Variants in GET1 observed in about 807,000 individuals in gnomAD.
GET1 encodes guided entry of tail-anchored proteins factor 1.
GET1 carries 20 observed loss-of-function variants against 22.6 expected under a neutral mutation model. The observed-to-expected ratio is 0.89, with a 90% CI of 0.62 to 1.29. GET1 has a LOEUF of 1.29. GET1 is among the 50% of genes most tolerant of loss of function. The pLI is 0.00. For missense variants in GET1, 209 were observed against 219.9 expected (o/e 0.95, Z 0.31); for synonymous variants, 92 against 83.8 (o/e 1.10, Z -0.53).
Position 39,380,454 on chromosome 21 carries a change from C to A in GET1, c.70C>A (p.Leu24Ile). The A allele has an allele frequency of 3.1e-6, 5 of 1,613,328 alleles. No homozygotes were observed. Among genetic ancestry groups the A allele is most frequent in the African/African-American group, 1.3e-5 (1 of 75,060 alleles). The change falls in exon 1 of 5, where the codon CTT becomes ATT. Residue 24 changes from leucine to isoleucine, a missense_variant. Physicochemically the swap from Leu to Ile is conservative, Grantham distance 5. Coordinates refer to ENST00000649170, the MANE Select transcript of GET1 (RefSeq NM_004627.6). ...VLSFVFGCNV[L>I]RILLPSFSSF... Reference sequence around the variant, plus strand: ...CAGCTTCGTGTTTGGATGCAATGTTCTTAGGATCCTCCTCCCGTCCTTCTC... The same window carrying A: ...CAGCTTCGTGTTTGGATGCAATGTTATTAGGATCCTCCTCCCGTCCTTCTC...
intron 1 of GET1, chr21:39,380,769 T>C (rs1261779753): frequency 3.5e-6 from 4 of 1,129,848 alleles, no homozygotes; most frequent in Non-Finnish European, 4.4e-6. Flanking sequence ...GAGTTCCTAG[T>C]GCCCCGCTGT....
chr21:39,405,839 C>G, intron 4 of GET1: 1 of 1,385,332 alleles, frequency 7.2e-7, no homozygotes, highest in Non-Finnish European at 9.7e-7. Flanking sequence ...GGCACATAAG[C>G]AGCATTATAT....
intron 1 of GET1, among the ~76,000 whole-genome samples, chr21:39,381,244 CG>C (rs2037538615): frequency 6.6e-6 from 1 of 151,952 alleles, no homozygotes; most frequent in Non-Finnish European, 1.5e-5. Context: ...CCATGGAAGG[CG>C]GGGGTACCTT....
rs541742362 is a variant in GET1 at position 39,381,409 on chromosome 21, G to A, written c.102+923G>A. ...TTTTCTCTCCTAAGATAAATTGGTA[G>A]TAGTGGAGGATATTTTATTCCACCA... On this transcript the variant is annotated intron_variant, in intron 1 of 4. Transcript: ENST00000649170. Among the ~76,000 whole-genome samples, 3 of 152,316 alleles carry A rather than the reference G, an allele frequency of 2.0e-5. No individual in the cohort carries two copies. In the South Asian group the frequency reaches 6.2e-4, roughly 32 times the overall value.
chr21:39,380,371 C>T lies in GET1; in HGVS notation c.-14C>T, dbSNP rs1350546925. 2 of 1,591,176 alleles carry T rather than the reference C, an allele frequency of 1.3e-6. No homozygotes were observed. Among genetic ancestry groups the T allele is most frequent in the Non-Finnish European group, 1.7e-6 (2 of 1,167,240 alleles). On this transcript the variant is annotated 5_prime_UTR_variant, in exon 1 of 5. Coordinates refer to ENST00000649170, the MANE Select transcript of GET1 (RefSeq NM_004627.6). ...GCTGCCGTAGCGGACCCAGCACAGCCAGGAGCGTCCGGGATGAGCTCAGCC... is the reference window on the plus strand; with the variant it reads ...GCTGCCGTAGCGGACCCAGCACAGCTAGGAGCGTCCGGGATGAGCTCAGCC...
intron 3 of GET1, among the ~76,000 whole-genome samples, chr21:39,392,310 T>C (rs1264420976): frequency 1.3e-5 from 2 of 152,176 alleles, no homozygotes; most frequent in African/African-American, 4.8e-5. Context: ...TCATAGCCTC[T>C]CCTGGAGCTG....
intron 1 of GET1, chr21:39,422,446 A>G (rs1403373674): frequency 6.5e-6 from 1 of 153,812 alleles, no homozygotes; most frequent in African/African-American, 2.4e-5. Context: ...TTCCTTCCCT[A>G]CTACCCAGGA....
intron 1 of GET1, among the ~76,000 whole-genome samples, chr21:39,426,981 C>A (rs2074829549): frequency 6.6e-6 from 1 of 152,208 alleles, no homozygotes; most frequent in African/African-American, 2.4e-5. Flanking sequence ...TCATGGGGTT[C>A]ACAGACATGT....
downstream of GET1, among the ~76,000 whole-genome samples, chr21:39,401,164 C>T (rs1255458887): frequency 6.6e-6 from 1 of 152,114 alleles, no homozygotes; most frequent in East Asian, 1.9e-4. Flanking sequence ...ATCCTCCTGC[C>T]TCAGCCTGCT....
chr21:39,422,935 A>G (rs2074013941), intron 1 of GET1: 6 of 1,580,486 alleles, frequency 3.8e-6, no homozygotes, highest in Non-Finnish European at 4.3e-6. Flanking sequence ...CTCTCTATTA[A>G]CTTTGGAATC....
chr21:39,410,316 C>G (rs760719345), downstream of GET1: 8 of 1,611,276 alleles, frequency 5.0e-6, no homozygotes, highest in African/African-American at 1.1e-4. Flanking sequence ...GTGTCTCATA[C>G]TTGTGAATGG....
intron 1 of GET1, chr21:39,420,703 T>A: frequency 6.2e-7 from 1 of 1,607,308 alleles, no homozygotes; most frequent in South Asian, 1.1e-5. Flanking sequence ...TTAAAAGAAA[T>A]ACCTTAAGTT....
At chr21:39,427,886 G>T in intron 1 of GET1, 1 of 208,850 alleles carries the variant, frequency 4.8e-6, no homozygotes, top group Non-Finnish European at 9.5e-6. Flanking sequence ...GTGGTACTCT[G>T]TAACAAGGCC....
chr21:39,423,095 C>G (rs773416355), intron 1 of GET1: 1 of 1,613,956 alleles, frequency 6.2e-7, no homozygotes, highest in South Asian at 1.1e-5. Context: ...TGCAAGATAT[C>G]TTTAGTCTTC....
intron 1 of GET1, among the ~76,000 whole-genome samples, chr21:39,382,530 GCTT>G (rs1420366995): frequency 6.6e-6 from 1 of 152,146 alleles, no homozygotes; most frequent in Non-Finnish European, 1.5e-5. Flanking sequence ...TTTGTGACTG[GCTT>G]CTTTTCACTC....
In GET1 at chr21:39,428,500, C is replaced by A. The variant is rs752646827; in HGVS notation, c.*292C>A. On this transcript the variant is annotated 3_prime_UTR_variant, in exon 2 of 2. Coordinates refer to the GET1 transcript ENST00000478273. ...TTAGATCAGCCAAAGACATAGCAAA[C>A]AACCTAATAAAAGAAAAGTAAAACC... The A allele has an allele frequency of 1.1e-5, 17 of 1,496,586 alleles. No homozygotes were observed. In the African/African-American group the frequency reaches 2.4e-4, roughly 21 times the overall value. The allele number at this position is 1,496,586 out of a possible 1,614,324, so 92.7% of individuals were successfully genotyped here.
Position 39,405,756 on chromosome 21 carries a change from G to C in GET1, c.350-158G>C, listed in dbSNP as rs1181915897. 4.7e-6 allele frequency: 3 copies of C among 633,338 alleles called. No individual in the cohort carries two copies. In the African/African-American group the frequency reaches 5.6e-5, roughly 12 times the overall value. 39.2% of individuals were successfully genotyped at this position (633,338 alleles called of 1,614,324 possible). On this transcript the variant is annotated intron_variant, in intron 4 of 4. Coordinates refer to the GET1 transcript ENST00000415847. ...GCAATCAAACAAAAATTTAATTATCGAAAGTCAATTAAGTACTAAAACACA... is the reference window on the plus strand; with the variant it reads ...GCAATCAAACAAAAATTTAATTATCCAAAGTCAATTAAGTACTAAAACACA...
At chr21:39,383,380 C>G (rs530164516) in intron 1 of GET1, among the ~76,000 whole-genome samples, 1 of 151,898 alleles carries the variant, frequency 6.6e-6, no homozygotes, top group East Asian at 1.9e-4. Context: ...CCCCCGAGTT[C>G]AAGAGATTCT....
At chr21:39,405,698 T>A in intron 4 of GET1, 1 of 415,334 alleles carries the variant, frequency 2.4e-6, no homozygotes, top group Non-Finnish European at 4.2e-6. Flanking sequence ...GTGTTATCAT[T>A]GGCTAATATA....
Sources: allele counts gnomAD v4.1 joint callset (sites outside exome capture counted in the v4.1 genomes callset), GRCh38; gene constraint gnomAD v4.1.1; transcripts MANE v1.5; gene names NCBI Gene and HGNC (gene_info 2026-07-23, HGNC 2026-07-21).